ASTN2: variants seen among roughly 807,000 people sequenced by gnomAD.
ASTN2 encodes the protein astrotactin 2.
ASTN2 carries 54 observed loss-of-function variants against 139.8 expected under a neutral mutation model. The observed-to-expected ratio is 0.39, with a 90% CI of 0.31 to 0.48. The LOEUF (loss-of-function observed/expected upper bound fraction) is 0.48, where lower values mean the gene tolerates loss of function less well. Among genes scored for constraint, ASTN2 ranks in the 20% least tolerant of loss-of-function variants. The probability of loss-of-function intolerance (pLI) is 0.95; values close to 1 mark genes in which losing one functional copy is unlikely to be tolerated. For missense variants in ASTN2, 1,565 were observed against 1,725.1 expected, an observed-to-expected ratio of 0.91 and a Z score of 1.64; for synonymous variants, 756 against 719.5, an observed-to-expected ratio of 1.05 and a Z score of -0.81.
chr9:116,716,331 G>A (rs1287730253), intron 16 of ASTN2, among the ~76,000 whole-genome samples: 1 of 152,146 alleles, frequency 6.6e-6, no homozygotes, highest in African/African-American at 2.4e-5. Context: ...GCCAATCAAA[G>A]ACTCTGCCAT....
chr9:117,143,791 G>GGAAAGAGAGAGA (rs369316450), intron 3 of ASTN2, among the ~76,000 whole-genome samples: 1 of 151,414 alleles, frequency 6.6e-6, no homozygotes, highest in South Asian at 2.1e-4. Flanking sequence ...GGGGGAGCAG[G>GGAAAGAGAGAGA]GAAAGAGAGA....
chr9:117,052,189 C>T (rs144739547), intron 5 of ASTN2, among the ~76,000 whole-genome samples: 178 of 151,960 alleles, frequency 1.2e-3, no homozygotes, highest in African/African-American at 4.1e-3. Context: ...GCCTGTAATC[C>T]CAGCACTTTG....
At chr9:117,286,753 A>G (rs1228119886) in intron 2 of ASTN2, among the ~76,000 whole-genome samples, 3 of 152,144 alleles carry the variant, frequency 2.0e-5, no homozygotes, top group Non-Finnish European at 4.4e-5. Flanking sequence ...TCCTCTCCCT[A>G]ACTGACAAGT....
intron 13 of ASTN2, among the ~76,000 whole-genome samples, chr9:116,789,448 G>A (rs1830473249): frequency 6.6e-6 from 1 of 152,084 alleles, no homozygotes; most frequent in South Asian, 2.1e-4. Flanking sequence ...TGCTCATTTT[G>A]GACTCTTAAA....
At chr9:117,330,667 C>T (rs1038365660) in intron 1 of ASTN2, among the ~76,000 whole-genome samples, 4 of 152,168 alleles carry the variant, frequency 2.6e-5, no homozygotes, top group African/African-American at 7.2e-5. Flanking sequence ...ATGTAGCAGA[C>T]ACAGCTCATC....
intron 3 of ASTN2, among the ~76,000 whole-genome samples, chr9:117,186,366 G>A (rs376740787): frequency 2.9e-5 from 4 of 138,702 alleles, no homozygotes; most frequent in South Asian, 2.5e-4. Context: ...CTAACACGGT[G>A]AAAACCCGTC....
intron 13 of ASTN2, among the ~76,000 whole-genome samples, chr9:116,752,747 C>T (rs1373309767): frequency 2.6e-5 from 4 of 152,116 alleles, no homozygotes; most frequent in Non-Finnish European, 5.9e-5. Context: ...ATACAGATGG[C>T]AAATGAGCAT....
intron 6 of ASTN2, among the ~76,000 whole-genome samples, chr9:117,018,596 C>A (rs182924915): frequency 2.0e-5 from 3 of 152,216 alleles, no homozygotes; most frequent in African/African-American, 7.2e-5. Flanking sequence ...ATTGGCTTCA[C>A]TGGAAAAAGC....
chr9:117,186,488 T>A (rs10983568), intron 3 of ASTN2, among the ~76,000 whole-genome samples: 4 of 151,922 alleles, frequency 2.6e-5, no homozygotes, highest in South Asian at 2.1e-4. Flanking sequence ...CAGAGCTTGC[T>A]GTGAGCCGAA....
At chr9:117,095,085 G>A (rs538026514) in intron 5 of ASTN2, among the ~76,000 whole-genome samples, 29 of 152,298 alleles carry the variant, frequency 1.9e-4, no homozygotes, top group Non-Finnish European at 3.8e-4. Context: ...TAGGAGAGAA[G>A]GACCAGTTTC....
In ASTN2 at chr9:116,730,604, C is replaced by T. The variant is rs544716793; in HGVS notation, c.2522-1508G>A. Among the ~76,000 whole-genome samples the T allele has an allele frequency of 3.9e-5, 6 of 152,254 alleles. No individual in the cohort carries two copies. The East Asian group carries it at 1.2e-3, about 29-fold the overall frequency. ...TGACTAAGGGCAGAGAAAATGTCTG[C>T]ACAAGAAGATTCAGACACCAGGGAC... is the stretch of plus-strand genomic sequence containing the variant. On this transcript the variant is annotated intron_variant, in intron 14 of 22. Coordinates refer to ENST00000313400, the MANE Select transcript of ASTN2 (RefSeq NM_001365068.1).
intron 1 of ASTN2, among the ~76,000 whole-genome samples, chr9:117,314,292 G>A (rs1404884203): frequency 6.6e-6 from 1 of 151,230 alleles, no homozygotes; most frequent in Admixed American, 6.6e-5. Context: ...TGCTGAACAA[G>A]CAGCATCCTG....
At chr9:117,339,920 A>C (rs1211530352) in intron 1 of ASTN2, among the ~76,000 whole-genome samples, 1 of 151,942 alleles carries the variant, frequency 6.6e-6, no homozygotes, top group African/African-American at 2.4e-5. Context: ...AAAAAAAAAA[A>C]AAAATTTAAA....
At chr9:116,968,947 G>T (rs1836101341) in intron 10 of ASTN2, among the ~76,000 whole-genome samples, 1 of 151,016 alleles carries the variant, frequency 6.6e-6, no homozygotes, top group Non-Finnish European at 1.5e-5. Context: ...CACTTTGCCA[G>T]TTCAAGGTCC....
At chr9:117,156,735 A>G (rs1052876834) in intron 3 of ASTN2, among the ~76,000 whole-genome samples, 2 of 152,060 alleles carry the variant, frequency 1.3e-5, no homozygotes, top group Non-Finnish European at 2.9e-5. Context: ...GCATTTGATA[A>G]ACGTGAACTA....
At chr9:116,480,983 T>A (rs1307323582) in intron 20 of ASTN2, among the ~76,000 whole-genome samples, 2 of 152,202 alleles carry the variant, frequency 1.3e-5, no homozygotes, top group Non-Finnish European at 2.9e-5. Context: ...TGCCATTTGG[T>A]AAGCACTGAC....
intron 3 of ASTN2, among the ~76,000 whole-genome samples, chr9:117,206,974 G>C (rs927484661): frequency 6.6e-6 from 1 of 152,108 alleles, no homozygotes; most frequent in African/African-American, 2.4e-5. Context: ...CTGTCCCACA[G>C]GACAGCCCTG....
chr9:117,235,379 T>C (rs778014245), intron 2 of ASTN2, among the ~76,000 whole-genome samples: 15 of 152,182 alleles, frequency 9.9e-5, no homozygotes, highest in Non-Finnish European at 1.8e-4. Context: ...AGTGTTAACA[T>C]ACCCATTTTG....
intron 10 of ASTN2, among the ~76,000 whole-genome samples, chr9:116,939,057 A>C (rs1443595974): frequency 6.6e-6 from 1 of 152,180 alleles, no homozygotes; most frequent in Non-Finnish European, 1.5e-5. Context: ...GAAATGCTGG[A>C]GAACACGGTG....
Sources: gnomAD v4.1 joint callset for allele counts (sites outside exome capture counted in the v4.1 genomes callset) on GRCh38, gnomAD v4.1.1 for gene constraint, MANE v1.5 for transcripts, NCBI Gene and HGNC (gene_info 2026-07-23, HGNC 2026-07-21) for gene names.